Variants in RASA2 observed in about 807,000 individuals in gnomAD.
RASA2 encodes ras GTPase-activating protein 2.
RASA2 carries 155 observed loss-of-function variants against 118.2 expected under a neutral mutation model. The ratio of observed to expected loss-of-function variants is 1.31; its 90% confidence interval spans 1.15 to 1.50. RASA2 has a LOEUF of 1.50. Among genes scored for constraint, RASA2 ranks in the 40% most tolerant of loss-of-function variants. The pLI is 0.00. For missense variants in RASA2, 1,016 were observed against 1,009.6 expected (o/e 1.01, Z -0.09); for synonymous variants, 353 against 349.1 (o/e 1.01, Z -0.12).
At chr3:141,561,632 C>T (rs1387322681) in intron 9 of RASA2, among the ~76,000 whole-genome samples, 1 of 152,152 alleles carries the variant, frequency 6.6e-6, no homozygotes, top group Non-Finnish European at 1.5e-5. Context: ...CATAGCATCC[C>T]CTTGTGGGGT....
rs1164726184 is a variant in RASA2 at position 141,577,023 on chromosome 3, G to A, written c.1507G>A (p.Ala503Thr). Residue 503 changes from alanine to threonine, a missense_variant, in exon 15 of 24, where the codon GCA (alanine) becomes ACA (threonine). Coordinates refer to ENST00000286364, the MANE Select transcript of RASA2 (RefSeq NM_006506.5). ...AGATGACCCTCATGTTCAGTATTCT[G>A]CAGTGAGCAGCTTTGTATTTCTTCG... ...FPNDPHVQYS[A>T]VSSFVFLRFF... The A allele has an allele frequency of 1.2e-6, 2 of 1,609,602 alleles. No homozygotes were observed. Among genetic ancestry groups the A allele is most frequent in the East Asian group, 2.2e-5 (1 of 44,528 alleles).
intron 1 of RASA2, among the ~76,000 whole-genome samples, chr3:141,497,172 G>A (rs1364664503): frequency 1.6e-5 from 2 of 124,904 alleles, no homozygotes; most frequent in Non-Finnish European, 3.3e-5. Context: ...TCGTGGGGTG[G>A]GGGGAGAGGG....
At chr3:141,524,324 C>A (rs1478149276) in intron 3 of RASA2, among the ~76,000 whole-genome samples, 1 of 152,132 alleles carries the variant, frequency 6.6e-6, no homozygotes, top group Non-Finnish European at 1.5e-5. Context: ...TTGCTGATGT[C>A]CCATTGGTAA....
intron 7 of RASA2, among the ~76,000 whole-genome samples, chr3:141,557,153 G>A (rs1005344433): frequency 6.6e-6 from 1 of 152,196 alleles, no homozygotes; most frequent in African/African-American, 2.4e-5. Context: ...AAAGTAGAAG[G>A]CCTGACCTGC....
intron 1 of RASA2, among the ~76,000 whole-genome samples, chr3:141,487,530 G>T (rs1041934569): frequency 6.6e-6 from 1 of 151,952 alleles, no homozygotes; most frequent in Non-Finnish European, 1.5e-5. Flanking sequence ...GGACGCTGGA[G>T]TCCGGGGCGC....
intron 19 of RASA2, among the ~76,000 whole-genome samples, chr3:141,606,667 T>C (rs567094622): frequency 4.6e-5 from 7 of 152,262 alleles, no homozygotes; most frequent in African/African-American, 1.7e-4. Context: ...AAATTTTAGA[T>C]TTTATACCAG....
chr3:141,558,290 A>G (rs572552603), intron 7 of RASA2, among the ~76,000 whole-genome samples: 1 of 152,322 alleles, frequency 6.6e-6, no homozygotes, highest in African/African-American at 2.4e-5. Flanking sequence ...GCAAAATAAA[A>G]CATAAAATTT....
intron 7 of RASA2, among the ~76,000 whole-genome samples, chr3:141,558,052 G>A (rs897139039): frequency 1.3e-5 from 2 of 152,102 alleles, no homozygotes; most frequent in Non-Finnish European, 2.9e-5. Context: ...CAAGAGAATA[G>A]AGGTATACAA....
chr3:141,605,663 C>G (rs116542483), intron 19 of RASA2, among the ~76,000 whole-genome samples: 21 of 152,058 alleles, frequency 1.4e-4, no homozygotes, highest in Admixed American at 7.9e-4. Context: ...CTCTTCCCCC[C>G]CAATTTCTTA....
chr3:141,555,865 A>G lies in RASA2; in HGVS notation c.637A>G (p.Lys213Glu). The G allele has an allele frequency of 3.1e-6, 5 of 1,612,830 alleles. No individual in the cohort carries two copies. Among genetic ancestry groups the G allele is most frequent in the Non-Finnish European group, 4.2e-6 (5 of 1,179,424 alleles). The change falls in exon 7 of 24, where the codon AAG becomes GAG. Residue 213 changes from lysine (K) to glutamate (E), a missense_variant. This residue lies in a region of RASA2 where 896 missense variants were observed against 836.4 expected (regional missense o/e 1.07). Transcript: ENST00000286364. ...GAATGACCAAAAGAAGACAAAAGTA[A>G]AGAAGAAAACAAGCAATCCGCAGTT... is the stretch of plus-strand genomic sequence containing the variant. ...SRNDQKKTKV[K>E]KKTSNPQFNE...
chr3:141,502,372 G>A (rs1321571319), intron 1 of RASA2, among the ~76,000 whole-genome samples: 3 of 152,028 alleles, frequency 2.0e-5, no homozygotes, highest in Admixed American at 6.6e-5. Flanking sequence ...AACTTTTAGC[G>A]ACCCTTGTTG....
intron 4 of RASA2, among the ~76,000 whole-genome samples, chr3:141,531,545 A>G (rs751215949): frequency 6.6e-6 from 1 of 151,848 alleles, no homozygotes; most frequent in Non-Finnish European, 1.5e-5. Flanking sequence ...ATACATATAT[A>G]TGCATATATG....
rs768620483 is a variant in RASA2, at chr3:141,572,612, T to C, written c.1173T>C (p.Asp391=). 2 of 1,610,522 alleles carry C rather than the reference T, an allele frequency of 1.2e-6. No individual in the cohort carries two copies. Among genetic ancestry groups the C allele is most frequent in the Non-Finnish European group, 1.7e-6 (2 of 1,176,950 alleles). Residue 391 remains aspartate (D), a synonymous_variant, in exon 12 of 24, where the codon GAT becomes GAC. Transcript: ENST00000286364. The stretch of plus-strand genomic sequence containing the variant: ...GTTTCATCTATTTCTATTTCAGAGA[T>C]GCAAACACAATTTTTAGAGGAAATT... ...VAELDLKDTQ[D]ANTIFRGNSL... is the part of the protein sequence containing the mutation.
intron 3 of RASA2, among the ~76,000 whole-genome samples, chr3:141,518,614 G>A (rs753355869): frequency 6.8e-6 from 1 of 147,092 alleles, no homozygotes; most frequent in Non-Finnish European, 1.5e-5. Context: ...TCCTCTGCTT[G>A]CTACTTATTT....
chr3:141,529,466 GT>G (rs1244265228), intron 3 of RASA2, among the ~76,000 whole-genome samples: 1 of 152,026 alleles, frequency 6.6e-6, no homozygotes, highest in African/African-American at 2.4e-5. Context: ...TACAACTGAG[GT>G]TTTATCTAAT....
intron 17 of RASA2, among the ~76,000 whole-genome samples, chr3:141,584,022 AAAG>A (rs771935318): frequency 1.1e-4 from 16 of 152,124 alleles, no homozygotes; most frequent in East Asian, 3.8e-4. Flanking sequence ...GATTAAAAAA[AAAG>A]AAGAAGAAAA....
chr3:141,613,190 C>T lies in RASA2; in HGVS notation c.*877C>T, dbSNP rs546968732. On this transcript the variant is annotated 3_prime_UTR_variant, in exon 24 of 24. Transcript: ENST00000286364. ...GTAATAAGGGCCACCATAAGGATGCCCTCCTCATAGTGTTCGGTTCTGATC... is the reference window on the plus strand; with the variant it reads ...GTAATAAGGGCCACCATAAGGATGCTCTCCTCATAGTGTTCGGTTCTGATC... 4 of 152,242 alleles carry T rather than the reference C, an allele frequency of 2.6e-5. No homozygotes were observed. The South Asian group carries it at 8.3e-4, about 32-fold the overall frequency. The allele number at this position is 152,242 out of a possible 1,614,324, so 9.4% of individuals were successfully genotyped here.
intron 4 of RASA2, among the ~76,000 whole-genome samples, chr3:141,540,004 C>G (rs1156875433): frequency 6.6e-6 from 1 of 152,110 alleles, no homozygotes; most frequent in African/African-American, 2.4e-5. Flanking sequence ...TGGATTCCTA[C>G]CCACTCCCAC....
At position 141,571,397 on chromosome 3, in the gene RASA2, T is replaced by A; in HGVS notation, c.1021-9T>A. Reference sequence around the variant, plus strand: ...TGTTTGTGCTTGTTTTCTACCTTTCTGTATTTAGCCAATATCTGCCTCAGC... The same window carrying A: ...TGTTTGTGCTTGTTTTCTACCTTTCAGTATTTAGCCAATATCTGCCTCAGC... On this transcript the variant is annotated splice_polypyrimidine_tract_variant and intron_variant, in intron 10 of 23. Transcript: ENST00000286364. The A allele has an allele frequency of 6.2e-7, 1 of 1,609,344 alleles. No homozygotes were observed. Among genetic ancestry groups the A allele is most frequent in the Non-Finnish European group, 8.5e-7 (1 of 1,178,386 alleles).
Sources: allele counts gnomAD v4.1 joint callset (sites outside exome capture counted in the v4.1 genomes callset), GRCh38; gene constraint gnomAD v4.1.1; regional missense constraint gnomAD v4.1.1; transcripts MANE v1.5; gene names NCBI Gene and HGNC (gene_info 2026-07-23, HGNC 2026-07-21).